The following ST8SIA6 variants were observed in gnomAD, a reference collection of about 807,000 sequenced individuals.
The protein encoded by ST8SIA6 is ST8 alpha-N-acetyl-neuraminide alpha-2,8-sialyltransferase 6.
Under a neutral mutation model 33.6 loss-of-function variants are expected in ST8SIA6, and 39 were observed. The ratio of observed to expected loss-of-function variants is 1.16; its 90% CI spans 0.90 to 1.52. ST8SIA6 has a LOEUF of 1.52. Among genes scored for constraint, ST8SIA6 ranks in the 40% most tolerant of loss-of-function variants. The pLI is 0.00. For missense variants in ST8SIA6, 441 were observed against 443.8 expected (o/e 0.99, Z 0.06); for synonymous variants, 172 against 167.2 (o/e 1.03, Z -0.22).
intron 3 of ST8SIA6, among the ~76,000 whole-genome samples, chr10:17,386,702 G>GCAGA (rs1181612498): frequency 6.6e-6 from 1 of 152,158 alleles, no homozygotes; most frequent in Non-Finnish European, 1.5e-5. Flanking sequence ...ATGCCTGAAG[G>GCAGA]CAGACCTTCA....
At chr10:17,379,122 G>A (rs1850028711) in intron 3 of ST8SIA6, among the ~76,000 whole-genome samples, 1 of 134,378 alleles carries the variant, frequency 7.4e-6, no homozygotes, top group African/African-American at 3.3e-5. Flanking sequence ...GTGAGACTCT[G>A]TCTCAAAAAA....
chr10:17,374,756 T>C (rs1344959880), intron 3 of ST8SIA6, among the ~76,000 whole-genome samples: 1 of 137,448 alleles, frequency 7.3e-6, no homozygotes, highest in Admixed American at 7.2e-5. Context: ...ATAATAAATA[T>C]ATATATATAT....
intron 3 of ST8SIA6, among the ~76,000 whole-genome samples, chr10:17,368,407 C>CAAAAAAAAAAAAAAAAAAAAAA (rs200826980): frequency 1.8e-4 from 13 of 72,194 alleles, no homozygotes; most frequent in East Asian, 2.5e-4. Flanking sequence ...AGCTCTGTCT[C>CAAAAAAAAAAAAAAAAAAAAAA]AAAAAAAAAA....
chr10:17,356,539 C>G (rs560015019), intron 4 of ST8SIA6, among the ~76,000 whole-genome samples: 1 of 151,912 alleles, frequency 6.6e-6, no homozygotes, highest in Non-Finnish European at 1.5e-5. Context: ...AAGTATGCCC[C>G]GTTATGCCCA....
Position 17,359,481 on chromosome 10 carries a change from T to C in ST8SIA6, c.377+33A>G, listed in dbSNP as rs1849311632. Reference sequence around the variant, plus strand: ...TACAAAGCAAATGAACAAGACATTTTTAAAATCTCATATTATTTATGAAAA... The same window carrying C: ...TACAAAGCAAATGAACAAGACATTTCTAAAATCTCATATTATTTATGAAAA... On this transcript the variant is annotated intron_variant, in intron 4 of 7. Transcript: ENST00000377602. 2.7e-6 allele frequency: 4 copies of C among 1,491,612 alleles called. No individual in the cohort carries two copies. In the Admixed American group the frequency reaches 5.5e-5, roughly 20 times the overall value. 92.4% of individuals were successfully genotyped at this position (1,491,612 alleles called of 1,614,324 possible).
rs141167663 is a variant in ST8SIA6 at position 17,338,772 on chromosome 10, G to A, written c.378-7220C>T. 1.3e-3 allele frequency among the ~76,000 whole-genome samples: 194 copies of A among 152,272 alleles called. 1 individual carries two copies. The highest frequency in any genetic ancestry group is 4.4e-3 in the African/African-American group (183 of 41,550). On this transcript the variant is annotated intron_variant, in intron 4 of 7. Transcript: ENST00000377602. ...TGAAAAGAAGCCTCTGGCTTGCTGCGAGTCTAACTCTTGCTGCGTTCTACC... is the reference window on the plus strand; with the variant it reads ...TGAAAAGAAGCCTCTGGCTTGCTGCAAGTCTAACTCTTGCTGCGTTCTACC...
chr10:17,433,234 A>AT (rs1301608810), intron 2 of ST8SIA6, among the ~76,000 whole-genome samples: 1 of 152,180 alleles, frequency 6.6e-6, no homozygotes, highest in Non-Finnish European at 1.5e-5. Flanking sequence ...ACAATAACAC[A>AT]TTTTTATATC....
chr10:17,325,884 G>GTA (rs1334508039), intron 6 of ST8SIA6, among the ~76,000 whole-genome samples: 19 of 152,096 alleles, frequency 1.2e-4, no homozygotes, highest in African/African-American at 4.6e-4. Context: ...AAAACTTATT[G>GTA]TATTGCCTAT....
chr10:17,390,671 T>C lies in ST8SIA6; in HGVS notation c.201-51A>G, dbSNP rs759783321. 2.8e-6 allele frequency: 4 copies of C among 1,443,104 alleles called. No individual in the cohort carries two copies. The African/African-American group carries it at 4.3e-5, about 15-fold the overall frequency. 89.4% of individuals were successfully genotyped at this position (1,443,104 alleles called of 1,614,324 possible). A position where few individuals can be genotyped will look rare whatever the true frequency, so the allele number is the denominator to read the frequency against. ...AAGATTGATTTAAAATGAGAGCTTATAAGATATTGTTAACAAAAATCAGAT... is the reference window on the plus strand; with the variant it reads ...AAGATTGATTTAAAATGAGAGCTTACAAGATATTGTTAACAAAAATCAGAT... On this transcript the variant is annotated intron_variant, in intron 2 of 7. Coordinates refer to ENST00000377602, the MANE Select transcript of ST8SIA6 (RefSeq NM_001004470.3).
chr10:17,431,168 A>G (rs543095248), intron 2 of ST8SIA6, among the ~76,000 whole-genome samples: 17 of 152,334 alleles, frequency 1.1e-4, no homozygotes, highest in Middle Eastern at 3.4e-3. Context: ...ACTGTGATGC[A>G]GACTGCCCCA....
intron 2 of ST8SIA6, among the ~76,000 whole-genome samples, chr10:17,428,998 T>G (rs1323369513): frequency 6.6e-6 from 1 of 152,064 alleles, no homozygotes. Context: ...ACCCCCTTCC[T>G]GTTGTGTGTG....
At chr10:17,359,425 T>C in intron 4 of ST8SIA6, 89 bp downstream of exon 4, 1 of 1,077,996 alleles carries the variant, frequency 9.3e-7, no homozygotes, top group South Asian at 1.6e-5. Flanking sequence ...TGGTTCTACT[T>C]CTCTTTTTAA....
At chr10:17,397,814 CG>C (rs935576013) in intron 2 of ST8SIA6, among the ~76,000 whole-genome samples, 1 of 151,714 alleles carries the variant, frequency 6.6e-6, no homozygotes, top group African/African-American at 2.4e-5. Context: ...CAGTATGTTG[CG>C]GGGGGGAAAT....
intron 2 of ST8SIA6, among the ~76,000 whole-genome samples, chr10:17,447,812 AT>A (rs1204618844): frequency 6.6e-6 from 1 of 151,952 alleles, no homozygotes; most frequent in African/African-American, 2.4e-5. Flanking sequence ...TAATATTAAA[AT>A]TTAAAAAAAA....
At chr10:17,348,572 C>G (rs1332757020) in intron 4 of ST8SIA6, among the ~76,000 whole-genome samples, 2 of 152,160 alleles carry the variant, frequency 1.3e-5, no homozygotes, top group Non-Finnish European at 2.9e-5. Context: ...CAGTTCAGTT[C>G]TGCTCATGGC....
In ST8SIA6 at chr10:17,317,165, T is replaced by C. The variant is rs891975152; in HGVS notation, c.*3713A>G. ...TAGGCATTTATTTTTCTCCATAGAGTGAGCCAATGTTTCAATATTATCTGC... is the reference window on the plus strand; with the variant it reads ...TAGGCATTTATTTTTCTCCATAGAGCGAGCCAATGTTTCAATATTATCTGC... On this transcript the variant is annotated 3_prime_UTR_variant, in exon 8 of 8. Coordinates refer to ENST00000377602, the MANE Select transcript of ST8SIA6 (RefSeq NM_001004470.3). Among the ~76,000 whole-genome samples the C allele has an allele frequency of 6.6e-6, 1 of 152,146 alleles. No individual in the cohort carries two copies. The highest frequency in any genetic ancestry group is 2.4e-5 in the African/African-American group (1 of 41,450).
At chr10:17,448,782 ATTTTT>A (rs753562099) in intron 2 of ST8SIA6, among the ~76,000 whole-genome samples, 3 of 123,554 alleles carry the variant, frequency 2.4e-5, no homozygotes, top group Non-Finnish European at 3.4e-5. Flanking sequence ...CGCCAGGCTA[ATTTTT>A]TTTTTTTTTT....
chr10:17,336,839 C>G (rs923356132), intron 4 of ST8SIA6, among the ~76,000 whole-genome samples: 1 of 152,072 alleles, frequency 6.6e-6, no homozygotes, highest in African/African-American at 2.4e-5. Context: ...GTTGATCCAC[C>G]CCCCTCGGCC....
intron 4 of ST8SIA6, among the ~76,000 whole-genome samples, chr10:17,348,482 C>T (rs1171382403): frequency 6.6e-6 from 1 of 152,122 alleles, no homozygotes; most frequent in African/African-American, 2.4e-5. Context: ...TAGGCAAGGG[C>T]CAGCAATGCA....
Sources: gnomAD v4.1 joint callset for allele counts (sites outside exome capture counted in the v4.1 genomes callset) on GRCh38, gnomAD v4.1.1 for gene constraint, MANE v1.5 for transcripts, NCBI Gene and HGNC (gene_info 2026-07-23, HGNC 2026-07-21) for gene names.